Variants in PRLR observed in about 807,000 individuals in gnomAD.
PRLR encodes hPRL receptor.
In PRLR, 13 loss-of-function variants were observed where a neutral mutation model predicts 40.2. The observed-to-expected ratio is 0.32, with a 90% CI of 0.21 to 0.51. The LOEUF (loss-of-function observed/expected upper bound fraction) is 0.51, where lower values mean the gene tolerates loss of function less well. Ranked by LOEUF, PRLR falls within the 20% of genes least tolerant of loss-of-function variation. The pLI, the probability that PRLR is intolerant of heterozygous loss-of-function variation, is 0.97. For synonymous variants in PRLR, 269 were observed against 278.7 expected (o/e 0.97, Z 0.35); for missense variants, 656 against 747.3 (o/e 0.88, Z 1.42).
At chr5:35,155,088 G>A (rs1461309349) in intron 1 of PRLR, among the ~76,000 whole-genome samples, 2 of 148,478 alleles carry the variant, frequency 1.3e-5, no homozygotes, top group Admixed American at 6.6e-5. Flanking sequence ...AACCACCACG[G>A]CACATGTTTA....
intron 1 of PRLR, among the ~76,000 whole-genome samples, chr5:35,136,945 A>G (rs1773875081): frequency 7.2e-6 from 1 of 139,582 alleles, no homozygotes; most frequent in Non-Finnish European, 1.5e-5. Context: ...TTCCAGAAAG[A>G]AAAAGAAAAA....
intron 1 of PRLR, among the ~76,000 whole-genome samples, chr5:35,221,727 G>T (rs1016555398): frequency 6.6e-6 from 1 of 152,148 alleles, no homozygotes; most frequent in African/African-American, 2.4e-5. Flanking sequence ...TGATTCTCAC[G>T]TGCAATCAGT....
At chr5:35,143,060 T>C (rs956529697) in intron 1 of PRLR, among the ~76,000 whole-genome samples, 28 of 152,248 alleles carry the variant, frequency 1.8e-4, no homozygotes, top group Admixed American at 1.5e-3. Flanking sequence ...ATTGTTGATA[T>C]GAACTTACAA....
In PRLR at chr5:35,068,200, TG is replaced by T. The variant is rs1299770769; in HGVS notation, c.855+15del. 48 of 1,593,062 alleles carry T rather than the reference TG, an allele frequency of 3.0e-5. No homozygotes were observed. Among genetic ancestry groups the T allele is most frequent in the Non-Finnish European group, 4.0e-5 (46 of 1,160,958 alleles). On this transcript the variant is annotated intron_variant, in intron 9 of 9. Transcript: ENST00000618457. ...AGCAGTGAGTCACACTCCATTTTTT[TG>T]CCTCCTGTACTTACCTCCAACAGAT...
intron 1 of PRLR, among the ~76,000 whole-genome samples, chr5:35,216,263 G>A (rs1776285549): frequency 1.1e-4 from 1 of 9,240 alleles, no homozygotes; most frequent in Admixed American, 6.1e-4. Context: ...AGAGACTTGA[G>A]GTTGAACCAA....
chr5:35,139,793 A>AT (rs1348586613), intron 1 of PRLR, among the ~76,000 whole-genome samples: 1 of 152,196 alleles, frequency 6.6e-6, no homozygotes, highest in African/African-American at 2.4e-5. Flanking sequence ...GCATGTATGT[A>AT]TTTTTTCTTG....
chr5:35,160,986 T>A (rs6451182), intron 1 of PRLR, among the ~76,000 whole-genome samples: 130,117 of 152,216 alleles, frequency 0.85, 57,539 homozygotes, highest in Non-Finnish European at 0.97. Context: ...TTTACTGCAG[T>A]GCTGTGGTCT....
In PRLR at chr5:35,065,067, A is replaced by T; in HGVS notation, c.*22T>A. The stretch of plus-strand genomic sequence containing the variant: ...CCTGAAGAAAAATCACATTTTAACC[A>T]ATCATTCCATTAGTCAAGCTATCAG... On this transcript the variant is annotated 3_prime_UTR_variant, in exon 10 of 10. Transcript: ENST00000618457. 6.3e-7 allele frequency: 1 copy of T among 1,592,396 alleles called. No individual in the cohort carries two copies. Among genetic ancestry groups the T allele is most frequent in the Non-Finnish European group, 8.6e-7 (1 of 1,167,632 alleles).
chr5:35,051,165 C>T (rs899387809), downstream of PRLR, among the ~76,000 whole-genome samples: 3 of 152,188 alleles, frequency 2.0e-5, no homozygotes, highest in African/African-American at 7.2e-5. Flanking sequence ...AAGCTAGGGA[C>T]ACATGGATTA....
chr5:35,174,458 C>T (rs1211328934), intron 1 of PRLR, among the ~76,000 whole-genome samples: 1 of 152,240 alleles, frequency 6.6e-6, no homozygotes, highest in East Asian at 1.9e-4. Flanking sequence ...GGAAATCTCA[C>T]TATTTGAAAA....
intron 5 of PRLR, among the ~76,000 whole-genome samples, chr5:35,073,307 A>G (rs1769868483): frequency 6.6e-6 from 1 of 152,240 alleles, no homozygotes; most frequent in South Asian, 2.1e-4. Flanking sequence ...CTCTCCCATA[A>G]GCTAAATGGA....
chr5:35,084,980 T>C (rs972703245), intron 4 of PRLR, among the ~76,000 whole-genome samples: 1 of 152,188 alleles, frequency 6.6e-6, no homozygotes, highest in South Asian at 2.1e-4. Flanking sequence ...GTCATGCCCA[T>C]TGGGTTGCCT....
At chr5:35,210,918 C>T (rs184026636) in intron 1 of PRLR, among the ~76,000 whole-genome samples, 102 of 152,184 alleles carry the variant, frequency 6.7e-4, no homozygotes, top group Non-Finnish European at 1.0e-3. Context: ...CGCTATGTTG[C>T]CCAGGCTGGT....
At chr5:35,192,163 C>T (rs555322852) in intron 1 of PRLR, among the ~76,000 whole-genome samples, 3 of 152,260 alleles carry the variant, frequency 2.0e-5, no homozygotes, top group Admixed American at 2.0e-4. Context: ...CTTTGTATTG[C>T]CAAGACCTAC....
At chr5:35,126,422 C>T (rs750841415) in intron 1 of PRLR, among the ~76,000 whole-genome samples, 10 of 152,290 alleles carry the variant, frequency 6.6e-5, no homozygotes, top group African/African-American at 1.4e-4. Flanking sequence ...TCCCCCTCAT[C>T]GGTTTTGGTG....
intron 2 of PRLR, among the ~76,000 whole-genome samples, chr5:35,097,442 C>T (rs552524683): frequency 6.6e-6 from 1 of 152,184 alleles, no homozygotes; most frequent in South Asian, 2.1e-4. Context: ...GGTCACACAG[C>T]TAGTGAGTTG....
At chr5:35,145,511 G>A (rs1774157343) in intron 1 of PRLR, among the ~76,000 whole-genome samples, 2 of 152,104 alleles carry the variant, frequency 1.3e-5, no homozygotes, top group Admixed American at 1.3e-4. Context: ...GGTCCTTGTT[G>A]TGGTATGCCA....
chr5:35,128,227 A>G (rs1218656499), intron 1 of PRLR, among the ~76,000 whole-genome samples: 3 of 151,232 alleles, frequency 2.0e-5, no homozygotes, highest in African/African-American at 7.3e-5. Flanking sequence ...TTCATGGGGG[A>G]TTGGTTCCAC....
intron 1 of PRLR, among the ~76,000 whole-genome samples, chr5:35,176,305 A>G (rs1345972378): frequency 7.2e-5 from 11 of 152,354 alleles, no homozygotes; most frequent in Non-Finnish European, 1.2e-4. Context: ...CAAGTTTAAC[A>G]TTTTTTAACT....
Sources: allele counts gnomAD v4.1 joint callset (sites outside exome capture counted in the v4.1 genomes callset), GRCh38; gene constraint gnomAD v4.1.1; transcripts MANE v1.5; gene names NCBI Gene and HGNC (gene_info 2026-07-23, HGNC 2026-07-21).